Variants in LRRTM4 observed in about 807,000 individuals in gnomAD.
LRRTM4 encodes the protein leucine rich repeat transmembrane neuronal 4.
A neutral mutation model predicts 47.6 loss-of-function variants in LRRTM4; 25 were observed. The ratio of observed to expected loss-of-function variants is 0.53; its 90% CI spans 0.38 to 0.73. The LOEUF is 0.73. Among genes scored for constraint, LRRTM4 ranks in the 30% least tolerant of loss-of-function variants. The probability of loss-of-function intolerance (pLI) is 0.00; values close to 1 mark genes in which losing one functional copy is unlikely to be tolerated. For missense variants in LRRTM4, 638 were observed against 713.4 expected (o/e 0.89, Z 1.20); for synonymous variants, 311 against 269.5 (o/e 1.15, Z -1.51).
At chr2:77,467,333 A>G (rs567744435) in intron 3 of LRRTM4, among the ~76,000 whole-genome samples, 1 of 152,248 alleles carries the variant, frequency 6.6e-6, no homozygotes, top group Admixed American at 6.5e-5. Flanking sequence ...GGACAGTTCC[A>G]CACATGACAT....
chr2:77,295,997 C>G (rs1378216723), intron 3 of LRRTM4, among the ~76,000 whole-genome samples: 1 of 152,088 alleles, frequency 6.6e-6, no homozygotes, highest in East Asian at 1.9e-4. Flanking sequence ...GTTTCCAGTG[C>G]TCTTATTGTT....
intron 3 of LRRTM4, among the ~76,000 whole-genome samples, chr2:77,163,156 A>G (rs1470386301): frequency 6.6e-6 from 1 of 152,198 alleles, no homozygotes; most frequent in Non-Finnish European, 1.5e-5. Context: ...GCTGAAAACC[A>G]TGGCACGAGA....
intron 3 of LRRTM4, among the ~76,000 whole-genome samples, chr2:76,785,419 C>A (rs529150526): frequency 2.0e-5 from 3 of 152,074 alleles, no homozygotes; most frequent in East Asian, 1.9e-4. Context: ...AGCTCAGGAG[C>A]ACTTCCAGTA....
intron 3 of LRRTM4, among the ~76,000 whole-genome samples, chr2:76,980,809 T>A (rs773807511): frequency 6.6e-6 from 1 of 152,186 alleles, no homozygotes; most frequent in Non-Finnish European, 1.5e-5. Flanking sequence ...GAAAGTATAA[T>A]TAAGGGATTA....
chr2:76,806,583 A>G (rs929816375), intron 3 of LRRTM4, among the ~76,000 whole-genome samples: 1 of 143,342 alleles, frequency 7.0e-6, no homozygotes, highest in Non-Finnish European at 1.5e-5. Context: ...CCCCGTCTCA[A>G]AACATTTTTT....
At chr2:76,807,628 G>T (rs571835548) in intron 3 of LRRTM4, among the ~76,000 whole-genome samples, 3 of 151,326 alleles carry the variant, frequency 2.0e-5, no homozygotes, top group East Asian at 1.9e-4. Flanking sequence ...GTCTCACTCT[G>T]TTGCCCAGGC....
intron 3 of LRRTM4, among the ~76,000 whole-genome samples, chr2:77,027,635 T>G (rs76586967): frequency 0.062 from 9,502 of 152,224 alleles, 371 homozygotes; most frequent in Middle Eastern, 0.17. Context: ...GCTTTCTGAA[T>G]CACTAAGAGC....
At chr2:77,060,686 A>T (rs1679757604) in intron 3 of LRRTM4, among the ~76,000 whole-genome samples, 1 of 152,134 alleles carries the variant, frequency 6.6e-6, no homozygotes. Context: ...CTAGATCTGG[A>T]GTTTATGATT....
intron 3 of LRRTM4, among the ~76,000 whole-genome samples, chr2:77,299,278 C>CAA (rs72405566): frequency 0.29 from 43,261 of 149,902 alleles, 7,200 homozygotes; most frequent in East Asian, 0.49. Flanking sequence ...CACACACACA[C>CAA]ACACACACAC....
chr2:76,838,981 A>G (rs759748492), intron 3 of LRRTM4, among the ~76,000 whole-genome samples: 6 of 152,170 alleles, frequency 3.9e-5, no homozygotes, highest in Non-Finnish European at 7.4e-5. Flanking sequence ...AATGAAATAC[A>G]TGTGTCTATT....
chr2:77,077,631 C>T (rs1303297369), intron 3 of LRRTM4, among the ~76,000 whole-genome samples: 1 of 152,100 alleles, frequency 6.6e-6, no homozygotes, highest in African/African-American at 2.4e-5. Flanking sequence ...GAGATAATTC[C>T]AGTGCCCAAG....
At chr2:76,782,384 C>T (rs895479008) in intron 3 of LRRTM4, among the ~76,000 whole-genome samples, 7 of 152,236 alleles carry the variant, frequency 4.6e-5, no homozygotes, top group South Asian at 4.2e-4. Context: ...GGGAGAAGTT[C>T]CAGTATAACT....
intron 3 of LRRTM4, among the ~76,000 whole-genome samples, chr2:77,233,568 T>C (rs1675024722): frequency 6.6e-6 from 1 of 152,248 alleles, no homozygotes; most frequent in South Asian, 2.1e-4. Context: ...AAGGTTTATA[T>C]TTCAAGTTTT....
intron 3 of LRRTM4, among the ~76,000 whole-genome samples, chr2:77,007,956 C>T (rs1213561888): frequency 6.6e-6 from 1 of 152,154 alleles, no homozygotes; most frequent in Non-Finnish European, 1.5e-5. Flanking sequence ...GAGTCATTCA[C>T]TGAAAATGCA....
At chr2:77,420,328 A>G (rs1350463290) in intron 3 of LRRTM4, among the ~76,000 whole-genome samples, 1 of 152,198 alleles carries the variant, frequency 6.6e-6, no homozygotes, top group Non-Finnish European at 1.5e-5. Context: ...TAACCTAGGA[A>G]GTGACATTCT....
At chr2:77,005,967 A>C (rs769232080) in intron 3 of LRRTM4, among the ~76,000 whole-genome samples, 2 of 152,226 alleles carry the variant, frequency 1.3e-5, no homozygotes, top group Non-Finnish European at 2.9e-5. Flanking sequence ...CACAAAGAGG[A>C]TAGTTAAGGT....
rs141103880 is a variant in LRRTM4, at chr2:77,314,456, T to C, written c.1551+203862A>G. ...CTTTTATACATTTTATAGATATATCTAAACTAGTTTTCTAAGAATAGGATC... is the reference window on the plus strand; with the variant it reads ...CTTTTATACATTTTATAGATATATCCAAACTAGTTTTCTAAGAATAGGATC... On this transcript the variant is annotated intron_variant, in intron 3 of 3. Transcript: ENST00000409884. 1.3e-3 allele frequency among the ~76,000 whole-genome samples: 194 copies of C among 152,340 alleles called. 1 individual carries two copies. Among genetic ancestry groups the C allele is most frequent in the African/African-American group, 4.5e-3 (187 of 41,580 alleles).
At chr2:76,890,520 C>T (rs1034514970) in intron 3 of LRRTM4, among the ~76,000 whole-genome samples, 2 of 151,936 alleles carry the variant, frequency 1.3e-5, no homozygotes, top group Non-Finnish European at 2.9e-5. Flanking sequence ...GTCTCAGACT[C>T]AGTTAACACT....
chr2:77,488,205 C>G (rs905003819), intron 3 of LRRTM4, among the ~76,000 whole-genome samples: 1 of 152,160 alleles, frequency 6.6e-6, no homozygotes, highest in Admixed American at 6.5e-5. Flanking sequence ...CCTCTCCAAG[C>G]TTCCAGGCAC....
Sources: allele counts gnomAD v4.1 joint callset (sites outside exome capture counted in the v4.1 genomes callset), GRCh38; gene constraint gnomAD v4.1.1; transcripts MANE v1.5; gene names NCBI Gene and HGNC (gene_info 2026-07-23, HGNC 2026-07-21).